The following ADCY5 variants were observed in gnomAD, a reference collection of about 807,000 sequenced individuals.
ADCY5 encodes the protein adenylate cyclase type 5.
A neutral mutation model predicts 119.7 loss-of-function variants in ADCY5; 30 were observed. The ratio of observed to expected loss-of-function variants is 0.25; its 90% CI spans 0.19 to 0.34. The LOEUF is 0.34. Among genes scored for constraint, ADCY5 ranks in the 10% least tolerant of loss-of-function variants. The pLI, the probability that ADCY5 is intolerant of heterozygous loss-of-function variation, is 1.00. For synonymous variants in ADCY5, 753 were observed against 762.2 expected (o/e 0.99, Z 0.20); for missense variants, 1,324 against 1,775.2 (o/e 0.75, Z 4.57).
rs370103494 is a variant in ADCY5, at chr3:123,356,997, GC to G, written c.1135-4417del. Among the ~76,000 whole-genome samples, 732 of 152,186 alleles carry G rather than the reference GC, an allele frequency of 4.8e-3. 3 individuals carry two copies. Among genetic ancestry groups the G allele is most frequent in the African/African-American group, 0.016 (644 of 41,516 alleles). ...AAAATGAAGGAAGCCAGACTCAAAA[GC>G]CTACAGACCATGATTCCATTTAGAT... On this transcript the variant is annotated intron_variant, in intron 1 of 20. Coordinates refer to ENST00000462833, the MANE Select transcript of ADCY5 (RefSeq NM_183357.3).
At chr3:123,341,607 T>C (rs1385675067) in intron 3 of ADCY5, among the ~76,000 whole-genome samples, 1 of 152,156 alleles carries the variant, frequency 6.6e-6, no homozygotes, top group Non-Finnish European at 1.5e-5. Flanking sequence ...CACTGAACTG[T>C]ACATTTAAAA....
At chr3:123,366,108 A>C (rs2107518343) in intron 1 of ADCY5, among the ~76,000 whole-genome samples, 1 of 152,308 alleles carries the variant, frequency 6.6e-6, no homozygotes, top group East Asian at 1.9e-4. Context: ...TGGGTAAATA[A>C]AATATATTAT....
At chr3:123,298,256 C>G (rs938778567) in intron 15 of ADCY5, among the ~76,000 whole-genome samples, 1 of 152,194 alleles carries the variant, frequency 6.6e-6, no homozygotes, top group Non-Finnish European at 1.5e-5. Flanking sequence ...GCTGGGATTA[C>G]AGGTGTGAGC....
intron 17 of ADCY5, among the ~76,000 whole-genome samples, chr3:123,292,676 G>A (rs777411822): frequency 2.0e-5 from 3 of 152,166 alleles, no homozygotes; most frequent in East Asian, 1.9e-4. Context: ...GGCTACCTGT[G>A]TCTGGCTCTG....
At chr3:123,314,770 T>C (rs906921177) in intron 11 of ADCY5, among the ~76,000 whole-genome samples, 34 of 152,184 alleles carry the variant, frequency 2.2e-4, no homozygotes, top group African/African-American at 7.7e-4. Context: ...TGAAAACTGA[T>C]TGGATCAGTA....
At position 123,355,608 on chromosome 3, in the gene ADCY5, C is replaced by A. The variant is rs529447807; in HGVS notation, c.1135-3027G>T. ...GCTGAGTGCACCATTTAAATAGCAC[C>A]AGAAACCATGAAATACTTCAGTAGA... On this transcript the variant is annotated intron_variant, in intron 1 of 20. Coordinates refer to ENST00000462833, the MANE Select transcript of ADCY5 (RefSeq NM_183357.3). 2.0e-5 allele frequency among the ~76,000 whole-genome samples: 3 copies of A among 150,040 alleles called. No homozygotes were observed. The East Asian group carries it at 5.8e-4, about 29-fold the overall frequency.
At chr3:123,368,848 A>G (rs1943541095) in intron 1 of ADCY5, among the ~76,000 whole-genome samples, 1 of 152,140 alleles carries the variant, frequency 6.6e-6, no homozygotes, top group African/African-American at 2.4e-5. Flanking sequence ...GCAGGCCACA[A>G]TAAATTCTTG....
At chr3:123,322,148 G>T (rs995422688) in intron 8 of ADCY5, among the ~76,000 whole-genome samples, 4 of 152,242 alleles carry the variant, frequency 2.6e-5, no homozygotes, top group African/African-American at 9.6e-5. Context: ...GCACAGGCGT[G>T]GCGGGCAGCA....
intron 1 of ADCY5, among the ~76,000 whole-genome samples, chr3:123,422,256 G>A (rs1448455411): frequency 6.6e-6 from 1 of 152,194 alleles, no homozygotes; most frequent in Admixed American, 6.5e-5. Flanking sequence ...GCAGCCAGAA[G>A]CTAAAATGAA....
intron 11 of ADCY5, among the ~76,000 whole-genome samples, chr3:123,317,251 C>T (rs1034620824): frequency 2.6e-5 from 4 of 152,172 alleles, no homozygotes; most frequent in Non-Finnish European, 4.4e-5. Flanking sequence ...TTCAGAAACA[C>T]CTCTTTGTGA....
At chr3:123,325,736 G>A (rs1941456765) in intron 7 of ADCY5, among the ~76,000 whole-genome samples, 1 of 152,234 alleles carries the variant, frequency 6.6e-6, no homozygotes, top group Non-Finnish European at 1.5e-5. Context: ...AAGAGCTTGG[G>A]AACATCTGCC....
chr3:123,308,194 C>T (rs186030571), intron 12 of ADCY5, among the ~76,000 whole-genome samples: 10 of 151,660 alleles, frequency 6.6e-5, no homozygotes, highest in South Asian at 2.1e-4. Flanking sequence ...CCACCACGCC[C>T]GGCTAATTTT....
intron 1 of ADCY5, among the ~76,000 whole-genome samples, chr3:123,357,550 T>C (rs1436163610): frequency 2.0e-5 from 3 of 152,124 alleles, no homozygotes; most frequent in African/African-American, 7.2e-5. Context: ...TTGCTAAGCT[T>C]AGGGTGCCTT....
At chr3:123,423,271 G>C (rs1031134453) in intron 1 of ADCY5, among the ~76,000 whole-genome samples, 1 of 152,230 alleles carries the variant, frequency 6.6e-6, no homozygotes, top group African/African-American at 2.4e-5. Context: ...TATCAGGCTT[G>C]TGGAATCCTG....
intron 9 of ADCY5, among the ~76,000 whole-genome samples, chr3:123,320,029 C>T (rs1268563243): frequency 6.6e-6 from 1 of 152,232 alleles, no homozygotes; most frequent in African/African-American, 2.4e-5. Context: ...GACCAAGTCT[C>T]AGTCCCCTTC....
chr3:123,423,927 G>T (rs1945351196), intron 1 of ADCY5, among the ~76,000 whole-genome samples: 1 of 152,182 alleles, frequency 6.6e-6, no homozygotes, highest in South Asian at 2.1e-4. Context: ...CCACACACAG[G>T]CCAACGCCCA....
chr3:123,426,020 G>A (rs930576985), intron 1 of ADCY5, among the ~76,000 whole-genome samples: 3 of 152,182 alleles, frequency 2.0e-5, no homozygotes, highest in African/African-American at 7.2e-5. Flanking sequence ...ATCCACATTT[G>A]GGACAGACCC....
chr3:123,408,169 C>T (rs1278979639), intron 1 of ADCY5, among the ~76,000 whole-genome samples: 5 of 152,118 alleles, frequency 3.3e-5, no homozygotes, highest in Non-Finnish European at 5.9e-5. Context: ...GCCTGGGACA[C>T]ATTAAGCAAA....
At chr3:123,350,223 C>T (rs566415182) in intron 2 of ADCY5, among the ~76,000 whole-genome samples, 40 of 152,342 alleles carry the variant, frequency 2.6e-4, no homozygotes, top group African/African-American at 8.7e-4. Context: ...CTCGCTGAAA[C>T]GCCACATCAG....
Sources: gnomAD v4.1 joint callset for allele counts (sites outside exome capture counted in the v4.1 genomes callset) on GRCh38, gnomAD v4.1.1 for gene constraint, MANE v1.5 for transcripts, NCBI Gene and HGNC (gene_info 2026-07-23, HGNC 2026-07-21) for gene names.